USP34: variants seen among roughly 807,000 people sequenced by gnomAD.
The protein encoded by USP34 is ubiquitin carboxyl-terminal hydrolase 34.
USP34 carries 70 observed loss-of-function variants against 460.3 expected under a neutral mutation model. The observed-to-expected ratio is 0.15, with a 90% CI of 0.13 to 0.19. The LOEUF (loss-of-function observed/expected upper bound fraction) is 0.19, where lower values mean the gene tolerates loss of function less well. Among genes scored for constraint, USP34 ranks in the 10% least tolerant of loss-of-function variants. The probability of loss-of-function intolerance (pLI) is 1.00; values close to 1 mark genes in which losing one functional copy is unlikely to be tolerated. For synonymous variants in USP34, 1,647 were observed against 1,405.3 expected, an observed-to-expected ratio of 1.17 and a Z score of -3.85; for missense variants, 3,985 against 4,236.2, an observed-to-expected ratio of 0.94 and a Z score of 1.65.
intron 25 of USP34, among the ~76,000 whole-genome samples, chr2:61,312,350 C>G (rs558010186): frequency 2.6e-5 from 4 of 151,502 alleles, no homozygotes; most frequent in Non-Finnish European, 5.9e-5. Context: ...ACTAACGAGC[C>G]TAATAGAATT....
At chr2:61,259,820 G>A (rs898699025) in intron 43 of USP34, 44 bp from the exon 44 acceptor site, 2 of 1,578,912 alleles carry the variant, frequency 1.3e-6, no homozygotes, top group Non-Finnish European at 1.7e-6. Flanking sequence ...AGACATGATG[G>A]TAGTAAATTA....
intron 2 of USP34, among the ~76,000 whole-genome samples, chr2:61,416,067 AAAG>A (rs1201628114): frequency 6.6e-6 from 1 of 152,230 alleles, no homozygotes; most frequent in African/African-American, 2.4e-5. Flanking sequence ...AATTCTGCTG[AAAG>A]AATGAAAGGA....
intron 19 of USP34, among the ~76,000 whole-genome samples, chr2:61,332,034 C>A (rs973425711): frequency 1.3e-5 from 2 of 151,966 alleles, no homozygotes; most frequent in African/African-American, 4.8e-5. Context: ...ATATTTTAAA[C>A]AGAAGTTACT....
chr2:61,313,470 A>C (rs933678263), intron 25 of USP34, among the ~76,000 whole-genome samples: 1 of 152,180 alleles, frequency 6.6e-6, no homozygotes, highest in African/African-American at 2.4e-5. Context: ...TTTTAGAAGT[A>C]TGGGTATCAT....
chr2:61,301,134 T>C lies in USP34; in HGVS notation c.3945A>G (p.Pro1315=), dbSNP rs768436525. Residue 1315 remains proline (P), a synonymous_variant, in exon 29 of 80, where the codon CCA becomes CCG. Coordinates refer to ENST00000398571, the MANE Select transcript of USP34 (RefSeq NM_014709.4). ...MQMVFVSLGA[P]RRERKGEGVQ... ...CACCTTCCCCTTTCCGCTCTCTCCT[T>C]GGTGCACCCAAAGATACAAATACCA... 1.2e-5 allele frequency: 20 copies of C among 1,611,276 alleles called. No homozygotes were observed. The highest frequency in any genetic ancestry group is 8.9e-5 in the South Asian group (8 of 90,348).
At chr2:61,336,189 G>C (rs1244966196) in intron 18 of USP34, among the ~76,000 whole-genome samples, 1 of 150,516 alleles carries the variant, frequency 6.6e-6, no homozygotes, top group African/African-American at 2.4e-5. Context: ...GTGTTGCTCA[G>C]GCTGGAGTGC....
intron 1 of USP34, among the ~76,000 whole-genome samples, chr2:61,439,289 C>T (rs1452204009): frequency 6.6e-6 from 1 of 152,142 alleles, no homozygotes; most frequent in Non-Finnish European, 1.5e-5. Flanking sequence ...TCCTGCTGTG[C>T]CTCAGCTGTG....
At chr2:61,216,500 T>C (rs1368786332) in intron 67 of USP34, among the ~76,000 whole-genome samples, 1 of 152,092 alleles carries the variant, frequency 6.6e-6, no homozygotes, top group Non-Finnish European at 1.5e-5. Context: ...CTCGGGAGGC[T>C]GAGGCAGGAG....
chr2:61,223,515 AT>A (rs1687647762), intron 62 of USP34: 1 of 528,364 alleles, frequency 1.9e-6, no homozygotes, highest in African/African-American at 1.9e-5. Context: ...CTTCATTTTC[AT>A]TTAATTAACT....
At chr2:61,324,441 C>T (rs1691022271) in intron 21 of USP34, among the ~76,000 whole-genome samples, 1 of 152,094 alleles carries the variant, frequency 6.6e-6, no homozygotes, top group Non-Finnish European at 1.5e-5. Flanking sequence ...TACCTATCTC[C>T]AACCAAAGGG....
At chr2:61,377,981 T>A (rs1257393268) in intron 8 of USP34, among the ~76,000 whole-genome samples, 5 of 152,318 alleles carry the variant, frequency 3.3e-5, no homozygotes, top group African/African-American at 1.2e-4. Context: ...AAGACTAGAC[T>A]GAGCAACATG....
chr2:61,420,823 T>C lies in USP34; in HGVS notation c.54A>G (p.Val18=), dbSNP rs911156065. 3.6e-5 allele frequency: 57 copies of C among 1,605,574 alleles called. No individual in the cohort carries two copies. Among genetic ancestry groups the C allele is most frequent in the Non-Finnish European group, 4.7e-5 (55 of 1,176,658 alleles). ...LVEVLNEISD[V]EGGDGLQLRK... ...TGAGCTGCAGTCCATCACCACCTTC[T>C]ACATCTGATACTGAAATAAAAAAGA... The change falls in exon 2 of 80, where the codon GTA becomes GTG. Residue 18 remains valine, a synonymous_variant. Transcript: ENST00000398571.
chr2:61,349,295 A>G lies in USP34; in HGVS notation c.1508-10T>C, dbSNP rs1405551506. 6.2e-7 allele frequency: 1 copy of G among 1,612,974 alleles called. No individual in the cohort carries two copies. Among genetic ancestry groups the G allele is most frequent in the East Asian group, 2.2e-5 (1 of 44,806 alleles). Reference sequence around the variant, plus strand: ...CTAAGCTCTTCTTCCTCTGAAGGAAAAGGAAAAAACAGGAGAAAAACATTC... The same window carrying G: ...CTAAGCTCTTCTTCCTCTGAAGGAAGAGGAAAAAACAGGAGAAAAACATTC... On this transcript the variant is annotated splice_polypyrimidine_tract_variant and intron_variant, in intron 12 of 79. Transcript: ENST00000398571.
intron 41 of USP34, chr2:61,277,804 AG>A (rs1286594032): frequency 5.6e-6 from 1 of 179,938 alleles, no homozygotes; most frequent in Non-Finnish European, 1.2e-5. Context: ...ACCTGGTGGG[AG>A]ATGACTGAAT....
intron 5 of USP34, among the ~76,000 whole-genome samples, chr2:61,386,412 G>A (rs1693146390): frequency 6.6e-6 from 1 of 152,118 alleles, no homozygotes; most frequent in Non-Finnish European, 1.5e-5. Context: ...AAAATGTATT[G>A]CAGTTGAATA....
chr2:61,276,508 GA>G (rs1327497741), intron 41 of USP34, among the ~76,000 whole-genome samples: 1 of 152,034 alleles, frequency 6.6e-6, no homozygotes, highest in Non-Finnish European at 1.5e-5. Flanking sequence ...CTGTATCCAT[GA>G]AAAGTCCTGG....
chr2:61,448,595 T>C (rs1205432095), intron 1 of USP34, among the ~76,000 whole-genome samples: 2 of 152,136 alleles, frequency 1.3e-5, no homozygotes, highest in Non-Finnish European at 2.9e-5. Flanking sequence ...AATGAGTATA[T>C]GAAGTAAAAG....
chr2:61,274,781 C>T (rs552493741), intron 41 of USP34, among the ~76,000 whole-genome samples: 1 of 152,286 alleles, frequency 6.6e-6, no homozygotes, highest in South Asian at 2.1e-4. Context: ...CTTCCACAGA[C>T]AGTTAACTTG....
chr2:61,372,759 A>C (rs993430051), intron 8 of USP34, among the ~76,000 whole-genome samples: 2 of 152,194 alleles, frequency 1.3e-5, no homozygotes, highest in African/African-American at 4.8e-5. Context: ...TGATGCAACT[A>C]TAAAATTGGA....
Sources: allele counts gnomAD v4.1 joint callset (sites outside exome capture counted in the v4.1 genomes callset), GRCh38; gene constraint gnomAD v4.1.1; transcripts MANE v1.5; gene names NCBI Gene and HGNC (gene_info 2026-07-23, HGNC 2026-07-21).